The following SLC4A4 variants were observed in gnomAD, a reference collection of about 807,000 sequenced individuals.
SLC4A4 encodes electrogenic sodium bicarbonate cotransporter 1.
A neutral mutation model predicts 111.5 loss-of-function variants in SLC4A4; 27 were observed. The observed-to-expected ratio is 0.24, with a 90% confidence interval of 0.18 to 0.33. The LOEUF (loss-of-function observed/expected upper bound fraction) is 0.33. Ranked by LOEUF, SLC4A4 falls within the 10% of genes least tolerant of loss-of-function variation. The pLI is 1.00. For missense variants in SLC4A4, 909 were observed against 1,315.5 expected (o/e 0.69, Z 4.78); for synonymous variants, 443 against 463.4 (o/e 0.96, Z 0.57).
intron 1 of SLC4A4, chr4:71,233,108 T>A (rs1382414079): frequency 1.1e-5 from 2 of 175,644 alleles, no homozygotes; most frequent in African/African-American, 4.8e-5. Context: ...TGAACTTATT[T>A]GCCTGGATTG....
intron 1 of SLC4A4, among the ~76,000 whole-genome samples, chr4:71,223,951 A>G (rs1452450872): frequency 6.6e-6 from 1 of 151,654 alleles, no homozygotes; most frequent in Non-Finnish European, 1.5e-5. Context: ...CCGGATCTTC[A>G]CTGTTCCTCT....
chr4:71,116,850 G>T (rs1332028169), intron 2 of SLC4A4, among the ~76,000 whole-genome samples: 1 of 151,590 alleles, frequency 6.6e-6, no homozygotes, highest in Non-Finnish European at 1.5e-5. Flanking sequence ...GGCTGAGGCA[G>T]AAGAATGGCT....
At chr4:71,533,159 A>T (rs1308361702) in intron 17 of SLC4A4, among the ~76,000 whole-genome samples, 2 of 152,168 alleles carry the variant, frequency 1.3e-5, no homozygotes, top group African/African-American at 4.8e-5. Flanking sequence ...ATGTTATAAC[A>T]CACATTATTT....
At chr4:71,273,376 G>T (rs1442199503) in intron 3 of SLC4A4, among the ~76,000 whole-genome samples, 1 of 152,160 alleles carries the variant, frequency 6.6e-6, no homozygotes, top group Non-Finnish European at 1.5e-5. Flanking sequence ...GAATTCAGAA[G>T]AAGCATAATA....
At chr4:71,427,626 G>A (rs1009763496) in intron 7 of SLC4A4, among the ~76,000 whole-genome samples, 2 of 152,032 alleles carry the variant, frequency 1.3e-5, no homozygotes, top group African/African-American at 4.8e-5. Flanking sequence ...TTAAATGTCA[G>A]ATATAAAATA....
At chr4:71,408,544 C>G (rs1721079268) in intron 7 of SLC4A4, among the ~76,000 whole-genome samples, 1 of 152,118 alleles carries the variant, frequency 6.6e-6, no homozygotes, top group African/African-American at 2.4e-5. Context: ...TAATTTGGCT[C>G]TTTGGAGTTC....
intron 2 of SLC4A4, among the ~76,000 whole-genome samples, chr4:71,149,633 CA>C (rs1744263173): frequency 6.6e-6 from 1 of 152,134 alleles, no homozygotes; most frequent in Non-Finnish European, 1.5e-5. Context: ...GTTTGTTAGG[CA>C]TCAGTCACAT....
intron 16 of SLC4A4, among the ~76,000 whole-genome samples, chr4:71,509,556 C>A (rs1731722005): frequency 6.6e-6 from 1 of 152,122 alleles, no homozygotes. Flanking sequence ...TGGCCTACTT[C>A]ATGGGGGTTT....
intron 2 of SLC4A4, among the ~76,000 whole-genome samples, chr4:71,101,680 G>C (rs1391564151): frequency 6.6e-6 from 1 of 152,120 alleles, no homozygotes; most frequent in African/African-American, 2.4e-5. Context: ...TCACATGGCA[G>C]GGTATTCCAA....
chr4:71,370,621 A>G (rs1731779660), intron 6 of SLC4A4, among the ~76,000 whole-genome samples: 1 of 152,172 alleles, frequency 6.6e-6, no homozygotes, highest in South Asian at 2.1e-4. Context: ...CCAACATAGG[A>G]TTGTTGTGAG....
At chr4:71,254,651 TAAA>T (rs200059466) in intron 2 of SLC4A4, among the ~76,000 whole-genome samples, 3 of 141,618 alleles carry the variant, frequency 2.1e-5, no homozygotes, top group Non-Finnish European at 4.7e-5. Context: ...GCTGATTAGG[TAAA>T]AAAAAAAAAA....
At chr4:71,450,287 T>C (rs1227618660) in intron 9 of SLC4A4, 102 bp from the exon 10 acceptor site, 17 of 853,254 alleles carry the variant, frequency 2.0e-5, no homozygotes, top group Non-Finnish European at 3.2e-5. Flanking sequence ...GGATTAATAT[T>C]AATAGCACAG....
chr4:71,520,656 A>G (rs1488911681), intron 16 of SLC4A4, among the ~76,000 whole-genome samples: 2 of 152,148 alleles, frequency 1.3e-5, no homozygotes, highest in Admixed American at 1.3e-4. Context: ...TCCATTTCCT[A>G]TACTCTTCTA....
Position 71,570,012 on chromosome 4 carries a change from A to G in SLC4A4, c.*2261A>G, listed in dbSNP as rs1056499330. ...TTCTATTACCCTAATATAAACTGGT[A>G]TAAGAAGACTTTCCTTTTTTCTTTA... On this transcript the variant is annotated 3_prime_UTR_variant, in exon 26 of 26. Coordinates refer to ENST00000264485, the MANE Select transcript of SLC4A4 (RefSeq NM_001098484.3). 1.3e-5 allele frequency: 2 copies of G among 151,788 alleles called. No individual in the cohort carries two copies. Among genetic ancestry groups the G allele is most frequent in the African/African-American group, 2.4e-5 (1 of 41,388 alleles). 9.4% of individuals were successfully genotyped at this position (151,788 alleles called of 1,614,324 possible). A position where few individuals can be genotyped will look rare whatever the true frequency, so the allele number is the denominator to read the frequency against.
intron 3 of SLC4A4, among the ~76,000 whole-genome samples, chr4:71,305,400 C>G (rs1578795812): frequency 6.6e-6 from 1 of 152,154 alleles, no homozygotes; most frequent in African/African-American, 2.4e-5. Context: ...TTTAGCATGG[C>G]CTGACACAGT....
chr4:71,129,010 C>T (rs531019573), intron 2 of SLC4A4, among the ~76,000 whole-genome samples: 12 of 152,016 alleles, frequency 7.9e-5, no homozygotes, highest in Non-Finnish European at 1.0e-4. Context: ...CTATAAAAAC[C>T]GTGGAAGATA....
chr4:71,224,331 T>TC (rs1718928000), intron 1 of SLC4A4, among the ~76,000 whole-genome samples: 1 of 152,106 alleles, frequency 6.6e-6, no homozygotes, highest in Non-Finnish European at 1.5e-5. Flanking sequence ...AGCTCAAGAC[T>TC]CCCCAAGATA....
At position 71,435,820 on chromosome 4, in the gene SLC4A4, C is replaced by T. The variant is rs148718561; in HGVS notation, c.808-4796C>T. 7.5e-3 allele frequency among the ~76,000 whole-genome samples: 1,138 copies of T among 152,318 alleles called. 14 individuals carry two copies. The highest frequency in any genetic ancestry group is 0.024 in the African/African-American group (999 of 41,568). ...AAACGTGAAAAAAAGCTCATCATCA[C>T]TGGTCATTAAAGAAATGCAAATCAA... On this transcript the variant is annotated intron_variant, in intron 7 of 25. Transcript: ENST00000264485.
In SLC4A4 at chr4:71,236,016, T is replaced by C. The variant is rs1057287694; in HGVS notation, c.-1-560T>C. 49 of 988,264 alleles carry C rather than the reference T, an allele frequency of 5.0e-5. 1 individual carries two copies. The Admixed American group carries it at 1.2e-3, about 25-fold the overall frequency. The allele number at this position is 988,264 out of a possible 1,614,324, so 61.2% of individuals were successfully genotyped here. On this transcript the variant is annotated intron_variant, in intron 1 of 25. Transcript: ENST00000264485. ...AAGCTTGCCACTCAACAGAGAATACTGGGCTGTGCTGATATTAAGAGGCTG... is the reference window on the plus strand; with the variant it reads ...AAGCTTGCCACTCAACAGAGAATACCGGGCTGTGCTGATATTAAGAGGCTG...
Sources: gnomAD v4.1 joint callset for allele counts (sites outside exome capture counted in the v4.1 genomes callset) on GRCh38, gnomAD v4.1.1 for gene constraint, MANE v1.5 for transcripts, NCBI Gene and HGNC (gene_info 2026-07-23, HGNC 2026-07-21) for gene names.